The following FGFR1 variants were observed in gnomAD, a reference collection of about 807,000 sequenced individuals.
FGFR1 encodes FGFR1/PLAG1 fusion.
FGFR1 carries 18 observed loss-of-function variants against 93.7 expected under a neutral mutation model. The observed-to-expected ratio is 0.19, with a 90% CI of 0.13 to 0.28. The LOEUF (loss-of-function observed/expected upper bound fraction) is 0.28. FGFR1 is among the 10% of genes least tolerant of loss of function. The probability of loss-of-function intolerance (pLI) is 1.00; values close to 1 mark genes in which losing one functional copy is unlikely to be tolerated. For missense variants in FGFR1, 731 were observed against 1,080.4 expected (o/e 0.68, Z 4.53); for synonymous variants, 448 against 429.3 (o/e 1.04, Z -0.54).
intron 2 of FGFR1, chr8:38,440,481 A>G (rs763529598): frequency 4.8e-5 from 42 of 866,714 alleles, no homozygotes; most frequent in Non-Finnish European, 6.7e-5. Flanking sequence ...TATGTGTGGA[A>G]AGAGAGCCGG....
chr8:38,455,926 G>T (rs1284174271), intron 2 of FGFR1, among the ~76,000 whole-genome samples: 2 of 152,040 alleles, frequency 1.3e-5, no homozygotes, highest in African/African-American at 4.8e-5. Flanking sequence ...ACTCCCTGTG[G>T]GCAGACACAG....
In FGFR1 at chr8:38,414,627, G is replaced by A. The variant is rs1563434236; in HGVS notation, c.1980C>T (p.Gly660=). ...HIDYYKKTTN[G]RLPVKWMAPE... is the part of the protein sequence containing the mutation. ...GTGCCATCCACTTCACAGGCAGTCG[G>A]CCCTGAAAGCAGCACAGGGGAGGTT... The change falls in exon 15 of 18, where the codon GGC becomes GGT. Residue 660 remains glycine, a splice_region_variant and synonymous_variant. Transcript: ENST00000447712. 1 of 1,613,738 alleles carries A rather than the reference G, an allele frequency of 6.2e-7. No homozygotes were observed. The highest frequency in any genetic ancestry group is 1.3e-5 in the African/African-American group (1 of 74,890).
At chr8:38,446,318 CT>C (rs1829275617) in intron 2 of FGFR1, among the ~76,000 whole-genome samples, 1 of 150,818 alleles carries the variant, frequency 6.6e-6, no homozygotes, top group African/African-American at 2.4e-5. Flanking sequence ...TCAAGCGATT[CT>C]CCCGCCTCAG....
intron 6 of FGFR1, among the ~76,000 whole-genome samples, chr8:38,425,752 G>C (rs1820534826): frequency 6.6e-6 from 1 of 152,210 alleles, no homozygotes; most frequent in Admixed American, 6.5e-5. Flanking sequence ...CCACCTTGCA[G>C]GTGTGCCATG....
At chr8:38,440,646 T>G (rs577808467) in intron 2 of FGFR1, among the ~76,000 whole-genome samples, 1 of 151,784 alleles carries the variant, frequency 6.6e-6, no homozygotes, top group African/African-American at 2.4e-5. Flanking sequence ...AATGGGCCAC[T>G]GCCAGAAGAG....
At position 38,427,988 on chromosome 8, in the gene FGFR1, T is replaced by C. The variant is rs2150912825; in HGVS notation, c.554A>G (p.Asn185Ser). 6.2e-7 allele frequency: 1 copy of C among 1,614,170 alleles called. No homozygotes were observed. Among genetic ancestry groups the C allele is most frequent in the Non-Finnish European group, 8.5e-7 (1 of 1,180,032 alleles). ...ATTTTTCAACCAGCGCAGTGTGGGG[T>C]TTGGGGTCCCACTGGAAGGGCATTT... ...KFKCPSSGTP[N>S]PTLRWLKNGK... is the part of the protein sequence containing the mutation. The change falls in exon 5 of 18, where the codon AAC becomes AGC. Residue 185 changes from asparagine (N) to serine (S), a missense_variant. By Grantham distance (46) the Asn-to-Ser change is conservative (BLOSUM62 1). Around this residue, in one of 10 missense-constraint regions of FGFR1, gnomAD observed 109 missense variants for 249.4 expected, o/e 0.44. Coordinates refer to ENST00000447712, the MANE Select transcript of FGFR1 (RefSeq NM_023110.3).
intron 1 of FGFR1, chr8:38,461,189 G>T (rs1254252305): frequency 4.6e-6 from 7 of 1,506,952 alleles, no homozygotes; most frequent in Non-Finnish European, 6.2e-6. Flanking sequence ...CCAACATACA[G>T]GGTGGACAGT....
In FGFR1 at chr8:38,424,108, C is replaced by G. The variant is rs1364488935; in HGVS notation, c.936+401G>C. The G allele has an allele frequency of 2.9e-6, 1 of 342,088 alleles. No individual in the cohort carries two copies. The highest frequency in any genetic ancestry group is 4.0e-5 in the Admixed American group (1 of 25,152). 21.2% of individuals were successfully genotyped at this position (342,088 alleles called of 1,614,324 possible). On this transcript the variant is annotated intron_variant, in intron 7 of 17. Transcript: ENST00000447712. The surrounding 1 kb of genome is among the most constrained non-coding windows in gnomAD (Gnocchi z 4.3). Reference sequence around the variant, plus strand: ...CGTAAGAGATGCTCTTATCATGCACCCCATTTGCCAGAAAGATCGTACGTA... The same window carrying G: ...CGTAAGAGATGCTCTTATCATGCACGCCATTTGCCAGAAAGATCGTACGTA...
chr8:38,413,673 G>C lies in FGFR1; in HGVS notation c.2424C>G (p.Pro808=), dbSNP rs374507681. 72 of 1,613,262 alleles carry C rather than the reference G, an allele frequency of 4.5e-5. No individual in the cohort carries two copies. The African/African-American group carries it at 8.0e-4, about 18-fold the overall frequency. ...CATTGGCAAGCTGGGCTGGGTGTCGGGGCAGGCAGGGCTCCTCGGGCAGCG... is the reference window on the plus strand; with the variant it reads ...CATTGGCAAGCTGGGCTGGGTGTCGCGGCAGGCAGGGCTCCTCGGGCAGCG... The part of the protein sequence containing the change: ...HEPLPEEPCL[P]RHPAQLANGG... Residue 808 remains proline (P), a synonymous_variant, in exon 18 of 18, where the codon CCC becomes CCG. Transcript: ENST00000447712. The surrounding 1 kb of genome is among the most constrained non-coding windows in gnomAD (Gnocchi z 4.2).
intron 2 of FGFR1, among the ~76,000 whole-genome samples, chr8:38,437,041 C>T (rs1252105100): frequency 2.6e-5 from 4 of 152,202 alleles, no homozygotes; most frequent in Admixed American, 2.0e-4. Flanking sequence ...CCACCACGCC[C>T]GGCTAATTTT....
At chr8:38,435,114 C>T (rs1824826744) in intron 2 of FGFR1, 1 of 152,290 alleles carries the variant, frequency 6.6e-6, no homozygotes, top group African/African-American at 2.4e-5. Flanking sequence ...AGATGAGCCA[C>T]CCGCCTCAGC....
chr8:38,431,906 G>C (rs1342306903), intron 2 of FGFR1, among the ~76,000 whole-genome samples: 1 of 152,124 alleles, frequency 6.6e-6, no homozygotes, highest in African/African-American at 2.4e-5. Context: ...TTTGCCAAAC[G>C]AAGGTAAGGA....
rs749812404 is a variant in FGFR1, at chr8:38,421,793, G to A, written c.1081+4C>T. The A allele has an allele frequency of 6.2e-7, 1 of 1,614,052 alleles. No homozygotes were observed. Among genetic ancestry groups the A allele is most frequent in the Non-Finnish European group, 8.5e-7 (1 of 1,179,972 alleles). On this transcript the variant is annotated splice_donor_region_variant and intron_variant, in intron 8 of 17. Coordinates refer to ENST00000447712, the MANE Select transcript of FGFR1 (RefSeq NM_023110.3). ...ACATCGAGAGGAGAAGTTACAGTGT[G>A]TACCTTCCAGAACGGTCAACCATGC...
chr8:38,430,045 A>T, intron 2 of FGFR1, 97 bp from the exon 3 acceptor site: 18 of 1,260,320 alleles, frequency 1.4e-5, no homozygotes, highest in Non-Finnish European at 2.0e-5. Flanking sequence ...TACGCTGGCC[A>T]CACGGAGCCG....
At chr8:38,420,660 C>T (rs1249386806) in intron 8 of FGFR1, among the ~76,000 whole-genome samples, 1 of 152,102 alleles carries the variant, frequency 6.6e-6, no homozygotes, top group South Asian at 2.1e-4. Flanking sequence ...TCATGGAACA[C>T]GCTTTGCCCC....
intron 1 of FGFR1, among the ~76,000 whole-genome samples, chr8:38,464,858 T>C (rs1208584556): frequency 3.3e-5 from 5 of 152,198 alleles, no homozygotes; most frequent in Non-Finnish European, 5.9e-5. Context: ...CGAAAGACAC[T>C]TTAGAAACGA....
intron 8 of FGFR1, 56 bp downstream of exon 8, chr8:38,421,741 T>TC (rs1473507782): frequency 1.3e-6 from 2 of 1,585,588 alleles, no homozygotes; most frequent in East Asian, 2.2e-5. Context: ...AAATGCATGC[T>TC]CCCCCCGTGC....
chr8:38,421,750 G>A (rs1818886448), intron 8 of FGFR1, 47 bp downstream of exon 8: 9 of 1,603,290 alleles, frequency 5.6e-6, no homozygotes, highest in South Asian at 3.3e-5. Context: ...CTCCCCCCGT[G>A]CCCGTGGCGA....
rs2150673331 is a variant in FGFR1 at position 38,418,285 on chromosome 8, G to A, written c.1373C>T (p.Ala458Val). ...GGGAAGCTCATACTCAGAGACCCCT[G>A]CTAGCATGGGAGTCCCACTGGAGGA... is the stretch of plus-strand genomic sequence containing the variant. The part of the protein sequence containing the change: ...RLSSSGTPML[A>V]GVSEYELPED... The change falls in exon 10 of 18, where the codon GCA becomes GTA. Residue 458 changes from alanine to valine, a missense_variant. By Grantham distance (64) the Ala-to-Val change is moderately conservative. Around this residue, in one of 10 missense-constraint regions of FGFR1, gnomAD observed 146 missense variants for 173.0 expected, o/e 0.84. Transcript: ENST00000447712. The A allele has an allele frequency of 6.2e-7, 1 of 1,614,232 alleles. No individual in the cohort carries two copies. The highest frequency in any genetic ancestry group is 1.1e-5 in the South Asian group (1 of 91,090).
Sources: allele counts gnomAD v4.1 joint callset (sites outside exome capture counted in the v4.1 genomes callset), GRCh38; gene constraint gnomAD v4.1.1; regional missense constraint gnomAD v4.1.1; non-coding constraint Gnocchi (gnomAD v3.1); transcripts MANE v1.5; gene names NCBI Gene and HGNC (gene_info 2026-07-23, HGNC 2026-07-21).